SERHL2: variants seen among roughly 807,000 people sequenced by gnomAD.
SERHL2 encodes serine hydrolase like 2.
Under a neutral mutation model 25.5 loss-of-function variants are expected in SERHL2, and 29 were observed. The observed-to-expected ratio is 1.14, with a 90% CI of 0.85 to 1.55. The LOEUF (loss-of-function observed/expected upper bound fraction) is 1.55, where lower values mean the gene tolerates loss of function less well. Among genes scored for constraint, SERHL2 ranks in the 40% most tolerant of loss-of-function variants. The pLI is 0.00. For missense variants in SERHL2, 240 were observed against 252.3 expected (o/e 0.95, Z 0.33); for synonymous variants, 95 against 103.5 (o/e 0.92, Z 0.50).
rs371107563 is a variant in SERHL2 at position 42,572,975 on chromosome 22, GCA to G, written c.825+449_825+450del. Reference sequence around the variant, plus strand: ...GGGAGCCACCATACCCGGCCTAGTCGCACATTTTACAGGCTCCCAAACCACAG... The same window carrying G: ...GGGAGCCACCATACCCGGCCTAGTCGCATTTTACAGGCTCCCAAACCACAG... On this transcript the variant is annotated intron_variant, in intron 11 of 11. Transcript: ENST00000327678. Among the ~76,000 whole-genome samples the G allele has an allele frequency of 1.8e-4, 28 of 151,778 alleles. 1 individual carries two copies. In the South Asian group the frequency reaches 5.2e-3, roughly 28 times the overall value.
In SERHL2 at chr22:42,574,062, G is replaced by C. The variant is rs772902114; in HGVS notation, c.*7G>C. On this transcript the variant is annotated 3_prime_UTR_variant, in exon 12 of 12. Coordinates refer to ENST00000327678, the MANE Select transcript of SERHL2 (RefSeq NM_014509.5). The stretch of plus-strand genomic sequence containing the variant: ...GCTCCCAGCCCAGCTGTAGCTCTGG[G>C]CCTGGAACTATGAAGACCTAGTGCT... The C allele has an allele frequency of 1.2e-6, 2 of 1,612,218 alleles. No individual in the cohort carries two copies. The highest frequency in any genetic ancestry group is 1.7e-6 in the Non-Finnish European group (2 of 1,178,726).
Position 42,574,039 on chromosome 22 carries a change from T to G in SERHL2, c.929T>G (p.Leu310Arg), listed in dbSNP as rs1392294370. The G allele has an allele frequency of 6.2e-7, 1 of 1,610,462 alleles. No homozygotes were observed. Among genetic ancestry groups the G allele is most frequent in the Non-Finnish European group, 8.5e-7 (1 of 1,177,890 alleles). ...TCCTTCTTACAGTGCACACACATGCTCCCAGCCCAGCTGTAGCTCTGGGCC... is the reference window on the plus strand; with the variant it reads ...TCCTTCTTACAGTGCACACACATGCGCCCAGCCCAGCTGTAGCTCTGGGCC... Reference protein sequence around the residue: ...ISSFLQCTHMLPAQL With the variant: ...ISSFLQCTHMRPAQL The change falls in exon 12 of 12, where the codon CTC becomes CGC. Residue 310 changes from leucine (L) to arginine (R), a missense_variant. Leu to Arg is a moderately radical substitution (Grantham distance 102). Around this residue, in one of 4 missense-constraint regions of SERHL2, gnomAD observed 212 missense variants for 168.9 expected, o/e 1.25. Coordinates refer to ENST00000327678, the MANE Select transcript of SERHL2 (RefSeq NM_014509.5).
chr22:42,572,630 C>A, intron 11 of SERHL2, 101 bp downstream of exon 11: 4 of 1,496,736 alleles, frequency 2.7e-6, no homozygotes, highest in Non-Finnish European at 3.6e-6. Flanking sequence ...TGGGTCTGCC[C>A]CCAGGCCCAA....
intron 9 of SERHL2, 145 bp from the exon 10 acceptor site, chr22:42,570,976 G>A: frequency 9.4e-7 from 1 of 1,064,664 alleles, no homozygotes; most frequent in Non-Finnish European, 1.4e-6. Flanking sequence ...CGATGAGGCA[G>A]TGATGTGGGG....
intron 1 of SERHL2, 139 bp downstream of exon 1, chr22:42,554,181 G>C: frequency 9.2e-7 from 1 of 1,085,032 alleles, no homozygotes; most frequent in Non-Finnish European, 1.3e-6. Context: ...GGCAGTCCCG[G>C]GGCATGAGAG....
At chr22:42,570,650 T>A (rs1362374280) in intron 9 of SERHL2, among the ~76,000 whole-genome samples, 1 of 152,110 alleles carries the variant, frequency 6.6e-6, no homozygotes, top group Non-Finnish European at 1.5e-5. Flanking sequence ...GCAGGGGCCA[T>A]CACGGAGTGC....
At position 42,560,285 on chromosome 22, in the gene SERHL2, A is replaced by C; in HGVS notation, c.613+20A>C. On this transcript the variant is annotated intron_variant, in intron 8 of 11. Coordinates refer to ENST00000327678, the MANE Select transcript of SERHL2 (RefSeq NM_014509.5). ...CCACAGGTAAGGGACTCTACTGTCC[A>C]AGGCCATTTTATATTTGTCACTATT... 2 of 1,563,410 alleles carry C rather than the reference A, an allele frequency of 1.3e-6. No individual in the cohort carries two copies. Among genetic ancestry groups the C allele is most frequent in the Non-Finnish European group, 8.8e-7 (1 of 1,133,838 alleles).
intron 7 of SERHL2, among the ~76,000 whole-genome samples, chr22:42,559,745 C>A (rs1922437027): frequency 6.6e-6 from 1 of 151,308 alleles, no homozygotes; most frequent in South Asian, 2.1e-4. Context: ...AAAAAAAAAT[C>A]ACGAGACACA....
At chr22:42,572,689 C>A (rs1924402692) in intron 11 of SERHL2, 160 bp downstream of exon 11, 1 of 984,584 alleles carries the variant, frequency 1.0e-6, no homozygotes, top group East Asian at 1.1e-4. Flanking sequence ...TGTGGTCAGT[C>A]CCTAGAGGCC....
In SERHL2 at chr22:42,571,110, T is replaced by C; in HGVS notation, c.649-11T>C. 1 of 1,613,214 alleles carries C rather than the reference T, an allele frequency of 6.2e-7. No homozygotes were observed. Among genetic ancestry groups the C allele is most frequent in the African/African-American group, 1.3e-5 (1 of 75,040 alleles). Reference sequence around the variant, plus strand: ...TTGTGACGAGAATTCACCATGTTTTTGTCTCTGCAGGCAGAGAACAGCATT... The same window carrying C: ...TTGTGACGAGAATTCACCATGTTTTCGTCTCTGCAGGCAGAGAACAGCATT... On this transcript the variant is annotated splice_polypyrimidine_tract_variant and intron_variant, in intron 9 of 11. Coordinates refer to ENST00000327678, the MANE Select transcript of SERHL2 (RefSeq NM_014509.5).
At position 42,561,025 on chromosome 22, in the gene SERHL2, A is replaced by C. The variant is rs9623625; in HGVS notation, c.613+760A>C. Reference sequence around the variant, plus strand: ...ACCACAACTCCAGGGGCTGCTGTGCACAAATGGCGCCCCCTGGAGTTGAGT... The same window carrying C: ...ACCACAACTCCAGGGGCTGCTGTGCCCAAATGGCGCCCCCTGGAGTTGAGT... On this transcript the variant is annotated intron_variant, in intron 8 of 11. Coordinates refer to ENST00000327678, the MANE Select transcript of SERHL2 (RefSeq NM_014509.5). Among the ~76,000 whole-genome samples the C allele has an allele frequency of 2.4e-3, 362 of 152,040 alleles. 3 individuals are homozygous for C. The highest frequency in any genetic ancestry group is 8.4e-3 in the African/African-American group (350 of 41,556).
At chr22:42,573,117 C>G (rs1924472106) in intron 11 of SERHL2, 2 of 151,982 alleles carry the variant, frequency 1.3e-5, no homozygotes, top group Non-Finnish European at 2.9e-5. Flanking sequence ...TTTATGGTCA[C>G]CTACCCGGGA....
chr22:42,572,220 T>A (rs1472855434), intron 10 of SERHL2, among the ~76,000 whole-genome samples: 1 of 152,050 alleles, frequency 6.6e-6, no homozygotes, highest in African/African-American at 2.4e-5. Context: ...GGCTGTGCCT[T>A]CAGCATTCAC....
Position 42,556,563 on chromosome 22 carries a change from C to G in SERHL2, c.398C>G (p.Thr133Arg), listed in dbSNP as rs138994162. The stretch of plus-strand genomic sequence containing the variant: ...GTGGATAAACTTATCTTGCTGGACA[C>G]GCCGCTCTTTCTCCTGGAATCAGAT... The part of the protein sequence containing the change: ...EMVDKLILLD[T>R]PLFLLESDEM... The change falls in exon 6 of 12, where the codon ACG becomes AGG. Residue 133 changes from threonine (T) to arginine (R), a missense_variant. Physicochemically the swap from Thr to Arg is moderately conservative, Grantham distance 71. This residue lies in a region of SERHL2 where 9 missense variants were observed against 19.5 expected (regional missense o/e 0.46). Transcript: ENST00000327678. 1.9e-6 allele frequency: 3 copies of G among 1,605,266 alleles called. No individual in the cohort carries two copies. The South Asian group carries it at 3.3e-5, about 18-fold the overall frequency.
intron 1 of SERHL2, 49 bp downstream of exon 1, chr22:42,554,091 T>C (rs750437588): frequency 1.2e-6 from 2 of 1,602,522 alleles, no homozygotes; most frequent in Admixed American, 1.7e-5. Context: ...ACCCACCTGG[T>C]TGGGACAGTA....
Position 42,571,191 on chromosome 22 carries a change from T to G in SERHL2, c.719T>G (p.Val240Gly). Reference sequence around the variant, plus strand: ...TCCATCAGGAAGCTGCAGGCCCATGTCCTGTTGATCAAGTAAGTCTGGACC... The same window carrying G: ...TCCATCAGGAAGCTGCAGGCCCATGGCCTGTTGATCAAGTAAGTCTGGACC... ...AHSIRKLQAHVLLIKAVHGYF... is the reference protein window; with the variant it reads ...AHSIRKLQAHGLLIKAVHGYF... Residue 240 changes from valine (V) to glycine (G), a missense_variant, in exon 10 of 12, where the codon GTC (valine) becomes GGC (glycine). Physicochemically the swap from Val to Gly is moderately radical, Grantham distance 109 (BLOSUM62 -3). This residue lies in a region of SERHL2 where 212 missense variants were observed against 168.9 expected (regional missense o/e 1.25). Transcript: ENST00000327678. 1 of 1,613,322 alleles carries G rather than the reference T, an allele frequency of 6.2e-7. No homozygotes were observed. The highest frequency in any genetic ancestry group is 8.5e-7 in the Non-Finnish European group (1 of 1,179,574).
chr22:42,561,880 A>G (rs550633635), intron 8 of SERHL2, among the ~76,000 whole-genome samples: 6 of 151,736 alleles, frequency 4.0e-5, no homozygotes, highest in Non-Finnish European at 8.8e-5. Flanking sequence ...CTTCCTGGAC[A>G]TGCCTCACGG....
intron 8 of SERHL2, 92 bp from the exon 9 acceptor site, chr22:42,566,212 C>G (rs9623626): frequency 0.091 from 118,735 of 1,307,004 alleles, 13,539 homozygotes; most frequent in East Asian, 0.59. Context: ...GCCCTGGCTG[C>G]AAAGGCCTGG....
At chr22:42,564,244 C>G (rs1228567924) in intron 8 of SERHL2, among the ~76,000 whole-genome samples, 1 of 151,522 alleles carries the variant, frequency 6.6e-6, no homozygotes, top group Admixed American at 6.6e-5. Context: ...CATCTGACTT[C>G]ATCTTTTTCC....
Sources: allele counts gnomAD v4.1 joint callset (sites outside exome capture counted in the v4.1 genomes callset), GRCh38; gene constraint gnomAD v4.1.1; regional missense constraint gnomAD v4.1.1; transcripts MANE v1.5; gene names NCBI Gene and HGNC (gene_info 2026-07-23, HGNC 2026-07-21).